Variants in KMT2E observed in about 807,000 individuals in gnomAD.
KMT2E encodes lysine methyltransferase 2E (inactive), also known as histone reader KMT2E.
In KMT2E, 30 loss-of-function variants were observed where a neutral mutation model predicts 184.6. The ratio of observed to expected loss-of-function variants is 0.16; its 90% CI spans 0.12 to 0.22. The LOEUF (loss-of-function observed/expected upper bound fraction) is 0.22, where lower values mean the gene tolerates loss of function less well. Ranked by LOEUF, KMT2E falls within the 10% of genes least tolerant of loss-of-function variation. KMT2E has a pLI of 1.00. For synonymous variants in KMT2E, 815 were observed against 776.5 expected (o/e 1.05, Z -0.82); for missense variants, 2,023 against 2,237.4 (o/e 0.90, Z 1.93).
intron 13 of KMT2E, 71 bp downstream of exon 13, chr7:105,081,868 T>A (rs1366735445): frequency 3.0e-6 from 2 of 673,812 alleles, no homozygotes; most frequent in Non-Finnish European, 5.1e-6. Flanking sequence ...ATAATTTAGG[T>A]ATTGTCATTA....
intron 1 of KMT2E, among the ~76,000 whole-genome samples, chr7:105,022,840 G>A (rs1795010553): frequency 6.6e-6 from 1 of 152,106 alleles, no homozygotes. Flanking sequence ...GATTGTGGGA[G>A]TTTCGTTTTC....
At chr7:105,043,457 C>T (rs1223835379) in intron 3 of KMT2E, among the ~76,000 whole-genome samples, 3 of 151,734 alleles carry the variant, frequency 2.0e-5, no homozygotes, top group Admixed American at 6.6e-5. Context: ...GGGATGGTCT[C>T]GATCTCCTGA....
intron 6 of KMT2E, among the ~76,000 whole-genome samples, chr7:105,068,666 G>A (rs1797155249): frequency 7.0e-6 from 1 of 143,584 alleles, no homozygotes; most frequent in South Asian, 2.2e-4. Context: ...GTAGGCACAG[G>A]GTTTCACCAT....
rs1167398465 is a variant in KMT2E, at chr7:105,090,406, A to ATT, written c.1623+134_1623+135insTT. ...CATTCTGTCATTTAATGAAGTATTCATAAGTGTAAAATACAAGTTCTGCTA... is the reference window on the plus strand; with the variant it reads ...CATTCTGTCATTTAATGAAGTATTCATTTAAGTGTAAAATACAAGTTCTGCTA... On this transcript the variant is annotated intron_variant, in intron 14 of 26. Coordinates refer to ENST00000311117, the MANE Select transcript of KMT2E (RefSeq NM_182931.3). 129 of 1,029,538 alleles carry ATT rather than the reference A, an allele frequency of 1.3e-4. No individual in the cohort carries two copies. In the Admixed American group the frequency reaches 1.7e-3, roughly 14 times the overall value. The allele number at this position is 1,029,538 out of a possible 1,614,324, so 63.8% of individuals were successfully genotyped here. A position where few individuals can be genotyped will look rare whatever the true frequency, so the allele number is the denominator to read the frequency against.
chr7:105,097,993 G>A (rs1798486727), intron 15 of KMT2E, among the ~76,000 whole-genome samples: 1 of 152,104 alleles, frequency 6.6e-6, no homozygotes, highest in African/African-American at 2.4e-5. Flanking sequence ...AGTGCCATGA[G>A]TATAAATTCC....
rs749458092 is a variant in KMT2E at position 105,112,703 on chromosome 7, A to G, written c.4947A>G (p.Gln1649=). ...HLVQQPNSHQ[Q]HSVAHVVGPV... ...TACAACAGCCGAATTCCCATCAGCA[A>G]CACTCTGTAGCACATGTAGTAGGGC... The change falls in exon 27 of 27, where the codon CAA becomes CAG. Residue 1649 remains glutamine (Q), a synonymous_variant. Coordinates refer to ENST00000311117, the MANE Select transcript of KMT2E (RefSeq NM_182931.3). 1 of 1,613,768 alleles carries G rather than the reference A, an allele frequency of 6.2e-7. No individual in the cohort carries two copies. Among genetic ancestry groups the G allele is most frequent in the Non-Finnish European group, 8.5e-7 (1 of 1,179,934 alleles).
intron 1 of KMT2E, among the ~76,000 whole-genome samples, chr7:105,022,908 CAAATA>C (rs985893693): frequency 9.2e-5 from 14 of 151,920 alleles, no homozygotes; most frequent in African/African-American, 3.4e-4. Context: ...TAAATCACAA[CAAATA>C]AAATAAATTT....
intron 5 of KMT2E, among the ~76,000 whole-genome samples, chr7:105,066,204 A>T (rs1291092260): frequency 6.6e-6 from 1 of 152,144 alleles, no homozygotes; most frequent in African/African-American, 2.4e-5. Context: ...GCACATTCCA[A>T]GTCCTAAGTA....
At chr7:105,042,394 A>G (rs893714788) in intron 3 of KMT2E, among the ~76,000 whole-genome samples, 4 of 152,208 alleles carry the variant, frequency 2.6e-5, no homozygotes, top group Non-Finnish European at 5.9e-5. Flanking sequence ...ATACATACAG[A>G]GCTCATTGTA....
intron 3 of KMT2E, among the ~76,000 whole-genome samples, chr7:105,054,558 C>T (rs1796496663): frequency 6.6e-6 from 1 of 151,686 alleles, no homozygotes; most frequent in Non-Finnish European, 1.5e-5. Context: ...CTCTTGTTGC[C>T]CAGGCTGGAG....
rs780397336 is a variant in KMT2E at position 105,113,268 on chromosome 7, C to G, written c.5512C>G (p.Pro1838Ala). The change falls in exon 27 of 27, where the codon CCA becomes GCA. Residue 1838 changes from proline (P) to alanine (A), a missense_variant. Physicochemically the swap from Pro to Ala is conservative, Grantham distance 27. Coordinates refer to ENST00000311117, the MANE Select transcript of KMT2E (RefSeq NM_182931.3). The stretch of plus-strand genomic sequence containing the variant: ...GGCATCTCCAGTGCCTGGACAGATT[C>G]CAATTCACAGAGCACAGGTGCCACC... ...QQASPVPGQI[P>A]IHRAQVPPTF... is the part of the protein sequence containing the mutation. 1 of 1,614,156 alleles carries G rather than the reference C, an allele frequency of 6.2e-7. No homozygotes were observed. The highest frequency in any genetic ancestry group is 8.5e-7 in the Non-Finnish European group (1 of 1,180,004).
At chr7:105,107,102 T>A in intron 20 of KMT2E, 64 bp from the exon 21 acceptor site, 1 of 887,698 alleles carries the variant, frequency 1.1e-6, no homozygotes, top group East Asian at 2.7e-5. Flanking sequence ...TTCATTTCTA[T>A]AATTATTATG....
chr7:105,097,888 A>G (rs1798480545), intron 15 of KMT2E, among the ~76,000 whole-genome samples: 1 of 152,178 alleles, frequency 6.6e-6, no homozygotes, highest in African/African-American at 2.4e-5. Flanking sequence ...CATTTGAGAT[A>G]TCGGATGAGC....
chr7:105,015,717 C>T (rs1302769306), intron 1 of KMT2E, among the ~76,000 whole-genome samples: 2 of 152,018 alleles, frequency 1.3e-5, no homozygotes, highest in East Asian at 3.9e-4. Flanking sequence ...CAGCTCGGGT[C>T]CTCCACACCC....
chr7:105,041,000 C>T lies in KMT2E; in HGVS notation c.48C>T (p.Tyr16=). Reference sequence around the variant, plus strand: ...GGGTTGATACAGCAGAGACGTCATACTTGGAAATGGCTGCAGGTTCAGAGT... The same window carrying T: ...GGGTTGATACAGCAGAGACGTCATATTTGGAAATGGCTGCAGGTTCAGAGT... The part of the protein sequence containing the change: ...PLGVDTAETS[Y]LEMAAGSEPE... Residue 16 remains tyrosine (Y), a synonymous_variant, in exon 3 of 27, where the codon TAC becomes TAT. Transcript: ENST00000311117. The T allele has an allele frequency of 6.3e-7, 1 of 1,584,864 alleles. No homozygotes were observed. The highest frequency in any genetic ancestry group is 8.6e-7 in the Non-Finnish European group (1 of 1,167,910).
chr7:105,055,217 G>GTTT (rs1374514810), intron 3 of KMT2E, among the ~76,000 whole-genome samples: 55 of 130,972 alleles, frequency 4.2e-4, no homozygotes, highest in African/African-American at 1.2e-3. Flanking sequence ...TTCTTTTTAG[G>GTTT]TTTTTTTTTT....
In KMT2E at chr7:105,076,978, A is replaced by G. The variant is rs765459484; in HGVS notation, c.784A>G (p.Ile262Val). The G allele has an allele frequency of 6.2e-7, 1 of 1,613,280 alleles. No individual in the cohort carries two copies. The highest frequency in any genetic ancestry group is 8.5e-7 in the Non-Finnish European group (1 of 1,179,782). ...ATGATTTTAGGGTTCAGCTCCAGAG[A>G]TTGATCCTTCATCTGATGGTTCAAA... ...SSRVKGSAPE[I>V]DPSSDGSNFG... is the part of the protein sequence containing the mutation. The change falls in exon 10 of 27, where the codon ATT (isoleucine) becomes GTT (valine). Residue 262 changes from isoleucine to valine, a missense_variant. Transcript: ENST00000311117.
intron 13 of KMT2E, among the ~76,000 whole-genome samples, chr7:105,087,367 T>G (rs1798027833): frequency 6.7e-6 from 1 of 148,730 alleles, no homozygotes; most frequent in South Asian, 2.1e-4. Context: ...CTCTTTATAT[T>G]AATATTTTTA....
At chr7:105,110,747 C>CT (rs750506024) in intron 25 of KMT2E, 24 bp from the exon 26 acceptor site, 2 of 1,598,006 alleles carry the variant, frequency 1.3e-6, no homozygotes, top group South Asian at 2.2e-5. Context: ...TTTATACTTA[C>CT]TATAGGTTTC....
Sources: gnomAD v4.1 joint callset for allele counts (sites outside exome capture counted in the v4.1 genomes callset) on GRCh38, gnomAD v4.1.1 for gene constraint, MANE v1.5 for transcripts, NCBI Gene and HGNC (gene_info 2026-07-23, HGNC 2026-07-21) for gene names.